The following GLCCI1 variants were observed in gnomAD, a reference collection of about 807,000 sequenced individuals.
GLCCI1 encodes the protein glucocorticoid-induced transcript 1 protein.
GLCCI1 carries 24 observed loss-of-function variants against 52.2 expected under a neutral mutation model. That is an observed-to-expected ratio of 0.46 (90% CI 0.33 to 0.65). The LOEUF (loss-of-function observed/expected upper bound fraction) is 0.65. Ranked by LOEUF, GLCCI1 falls within the 30% of genes least tolerant of loss-of-function variation. The pLI is 0.02. For synonymous variants in GLCCI1, 310 were observed against 276.5 expected (o/e 1.12, Z -1.20); for missense variants, 704 against 701.5 (o/e 1.00, Z -0.04).
intron 3 of GLCCI1, among the ~76,000 whole-genome samples, chr7:8,033,659 T>A (rs7793288): frequency 0.033 from 5,096 of 152,232 alleles, 268 homozygotes; most frequent in African/African-American, 0.11. Context: ...CAAAAAAGAT[T>A]AAAGTGTTTA....
chr7:8,034,613 C>T (rs1376308339), intron 3 of GLCCI1, among the ~76,000 whole-genome samples: 3 of 152,142 alleles, frequency 2.0e-5, no homozygotes, highest in African/African-American at 7.2e-5. Context: ...GACACCACTT[C>T]TCAGAAAGAA....
At chr7:7,981,320 T>C (rs183298810) in intron 1 of GLCCI1, 118 of 227,612 alleles carry the variant, frequency 5.2e-4, no homozygotes, top group Non-Finnish European at 8.7e-4. Context: ...CTGTCTCTCT[T>C]TCTTTCTTTC....
intron 5 of GLCCI1, among the ~76,000 whole-genome samples, chr7:8,060,909 TG>T (rs1459498894): frequency 6.6e-6 from 1 of 152,182 alleles, no homozygotes; most frequent in Non-Finnish European, 1.5e-5. Context: ...TTTTCCAAAG[TG>T]TCTGCATTGT....
intron 2 of GLCCI1, among the ~76,000 whole-genome samples, chr7:8,008,234 C>T (rs1247040024): frequency 1.5e-4 from 22 of 151,640 alleles, no homozygotes; most frequent in Admixed American, 1.4e-3. Flanking sequence ...GGACTCCTAG[C>T]CTCTGATAAC....
intron 3 of GLCCI1, among the ~76,000 whole-genome samples, chr7:8,044,762 A>G (rs1244487196): frequency 2.6e-5 from 4 of 152,236 alleles, no homozygotes. Context: ...GCACTTGTAT[A>G]TAATTTGCCT....
intron 3 of GLCCI1, among the ~76,000 whole-genome samples, chr7:8,046,558 G>A (rs1303119806): frequency 6.6e-6 from 1 of 152,112 alleles, no homozygotes; most frequent in Non-Finnish European, 1.5e-5. Flanking sequence ...ACTTCTTATC[G>A]GAATTCAGAC....
intron 3 of GLCCI1, among the ~76,000 whole-genome samples, chr7:8,050,844 C>A (rs915087825): frequency 2.0e-5 from 3 of 152,116 alleles, no homozygotes; most frequent in Non-Finnish European, 4.4e-5. Context: ...ATTTTTTTAA[C>A]CTTTCTACCT....
In GLCCI1 at chr7:8,088,668, T is replaced by C. The variant is rs1376098596; in HGVS notation, c.*2130T>C. On this transcript the variant is annotated 3_prime_UTR_variant, in exon 8 of 8. Transcript: ENST00000223145. ...TAAAATGCAATAGTATCAATATCAA[T>C]TTCAGAAAAATGGACTGAATATGCT... 6.6e-6 allele frequency: 1 copy of C among 152,652 alleles called. No individual in the cohort carries two copies. Among genetic ancestry groups the C allele is most frequent in the Non-Finnish European group, 1.5e-5 (1 of 68,044 alleles). 9.5% of individuals were successfully genotyped at this position (152,652 alleles called of 1,614,324 possible).
intron 1 of GLCCI1, among the ~76,000 whole-genome samples, chr7:8,002,660 C>T (rs1022980076): frequency 6.6e-6 from 1 of 152,132 alleles, no homozygotes; most frequent in Non-Finnish European, 1.5e-5. Flanking sequence ...ATAAATGTTT[C>T]TTCACCCCCT....
At chr7:8,061,657 C>CTT (rs61377819) in intron 5 of GLCCI1, among the ~76,000 whole-genome samples, 3,347 of 78,354 alleles carry the variant, frequency 0.043, 626 homozygotes, top group Non-Finnish European at 0.057. Flanking sequence ...CCATTGAACT[C>CTT]TTTTTTTTTT....
At chr7:8,073,645 C>G (rs909522624) in intron 6 of GLCCI1, among the ~76,000 whole-genome samples, 3 of 152,120 alleles carry the variant, frequency 2.0e-5, no homozygotes, top group Non-Finnish European at 2.9e-5. Context: ...ACATGAGATA[C>G]AGCAAAATGC....
At chr7:8,064,115 C>T (rs572000948) in intron 5 of GLCCI1, among the ~76,000 whole-genome samples, 5 of 152,280 alleles carry the variant, frequency 3.3e-5, no homozygotes, top group Admixed American at 2.0e-4. Context: ...AATTAGGTCC[C>T]ATTTGTCAAT....
chr7:8,028,645 C>A (rs575617588), intron 3 of GLCCI1, among the ~76,000 whole-genome samples: 4 of 151,332 alleles, frequency 2.6e-5, no homozygotes, highest in South Asian at 4.2e-4. Flanking sequence ...GAAATGAAGA[C>A]AACACTACAA....
At position 8,040,524 on chromosome 7, in the gene GLCCI1, TAAC is replaced by T. The variant is rs1432520933; in HGVS notation, c.697-14907_697-14905del. On this transcript the variant is annotated intron_variant, in intron 3 of 7. Coordinates refer to ENST00000223145, the MANE Select transcript of GLCCI1 (RefSeq NM_138426.4). ...CTTAAAAACCATAGTGAGATATAAT[TAAC>T]ACACACACACACACACACACACACA... 3.9e-3 allele frequency among the ~76,000 whole-genome samples: 266 copies of T among 68,842 alleles called. 1 individual carries two copies. The highest frequency in any genetic ancestry group is 0.017 in the African/African-American group (255 of 15,014). The allele number at this position is 68,842 out of a possible 152,430, so 45.2% of individuals were successfully genotyped here. A position where few individuals can be genotyped will look rare whatever the true frequency, so the allele number is the denominator to read the frequency against.
At position 7,997,083 on chromosome 7, in the gene GLCCI1, A is replaced by G. The variant is rs571327690; in HGVS notation, c.458-6825A>G. ...GCTGTTGAAGTGCTTAGATTATGCT[A>G]ACTTAGGAAAACTAAATCTAGTAAT... On this transcript the variant is annotated intron_variant, in intron 1 of 7. Coordinates refer to ENST00000223145, the MANE Select transcript of GLCCI1 (RefSeq NM_138426.4). 2.0e-5 allele frequency among the ~76,000 whole-genome samples: 3 copies of G among 152,324 alleles called. No individual in the cohort carries two copies. In the East Asian group the frequency reaches 5.8e-4, roughly 29 times the overall value.
chr7:7,986,328 C>T (rs906066707), intron 1 of GLCCI1, among the ~76,000 whole-genome samples: 5 of 151,244 alleles, frequency 3.3e-5, no homozygotes, highest in Non-Finnish European at 7.4e-5. Flanking sequence ...CTGGCTAACA[C>T]GGTGAAACCC....
intron 3 of GLCCI1, among the ~76,000 whole-genome samples, chr7:8,041,603 T>G (rs1782000284): frequency 6.6e-6 from 1 of 152,160 alleles, no homozygotes; most frequent in Admixed American, 6.5e-5. Context: ...TTGCTTTTTT[T>G]CTTTTTTTCG....
chr7:8,063,964 T>G (rs948367497), intron 5 of GLCCI1, among the ~76,000 whole-genome samples: 4 of 152,162 alleles, frequency 2.6e-5, no homozygotes, highest in Admixed American at 1.3e-4. Flanking sequence ...TGGTTTTTGC[T>G]TGTTCATTTG....
intron 4 of GLCCI1, among the ~76,000 whole-genome samples, chr7:8,058,417 T>C (rs991116279): frequency 5.3e-5 from 8 of 151,996 alleles, no homozygotes; most frequent in Non-Finnish European, 5.9e-5. Flanking sequence ...CAAAGGCCAA[T>C]GAAAAAGCAG....
Sources: gnomAD v4.1 joint callset for allele counts (sites outside exome capture counted in the v4.1 genomes callset) on GRCh38, gnomAD v4.1.1 for gene constraint, MANE v1.5 for transcripts, NCBI Gene and HGNC (gene_info 2026-07-23, HGNC 2026-07-21) for gene names.